Variants in LRP1B observed in about 807,000 individuals in gnomAD.
LRP1B encodes LDL receptor related protein 1B.
A neutral mutation model predicts 556.6 loss-of-function variants in LRP1B; 217 were observed. The observed-to-expected ratio is 0.39, with a 90% CI of 0.35 to 0.44. The LOEUF is 0.44. LRP1B is among the 20% of genes least tolerant of loss of function. The pLI, the probability that LRP1B is intolerant of heterozygous loss-of-function variation, is 1.00. For synonymous variants in LRP1B, 2,047 were observed against 1,865.8 expected (o/e 1.10, Z -2.50); for missense variants, 5,053 against 5,620.8 (o/e 0.90, Z 3.23).
intron 3 of LRP1B, among the ~76,000 whole-genome samples, chr2:141,341,828 C>G (rs573687817): frequency 2.6e-5 from 4 of 152,262 alleles, no homozygotes; most frequent in Non-Finnish European, 4.4e-5. Context: ...TTATTTAAAG[C>G]AGGAACTGCC....
intron 54 of LRP1B, 95 bp downstream of exon 54, chr2:140,502,868 A>T: frequency 8.0e-7 from 1 of 1,249,386 alleles, no homozygotes. Flanking sequence ...AATAATTTGC[A>T]TTTTCTCTCA....
At chr2:140,789,191 T>C (rs1462548045) in intron 32 of LRP1B, among the ~76,000 whole-genome samples, 6 of 152,126 alleles carry the variant, frequency 3.9e-5, no homozygotes, top group African/African-American at 1.4e-4. Context: ...TGAGGTCCAG[T>C]CTGAGAAGCA....
intron 6 of LRP1B, among the ~76,000 whole-genome samples, chr2:141,202,103 G>A (rs1177852331): frequency 1.3e-5 from 2 of 152,050 alleles, no homozygotes; most frequent in Non-Finnish European, 2.9e-5. Flanking sequence ...TCTTCCTGAT[G>A]CTCTCCCCCA....
intron 1 of LRP1B, among the ~76,000 whole-genome samples, chr2:141,931,604 ATG>A (rs1207576722): frequency 1.3e-5 from 2 of 152,034 alleles, no homozygotes; most frequent in Admixed American, 6.6e-5. Context: ...ATGGCTAAAA[ATG>A]TCTTATTAAT....
At chr2:141,391,550 C>T (rs1359699568) in intron 3 of LRP1B, among the ~76,000 whole-genome samples, 11 of 152,072 alleles carry the variant, frequency 7.2e-5, no homozygotes, top group Admixed American at 5.9e-4. Flanking sequence ...GAGCCTCATA[C>T]ACCATGGTAA....
chr2:141,685,318 A>C (rs1490483525), intron 2 of LRP1B, among the ~76,000 whole-genome samples: 3 of 152,040 alleles, frequency 2.0e-5, no homozygotes, highest in Non-Finnish European at 4.4e-5. Context: ...TATATTTGGG[A>C]CTTTTGATCT....
chr2:140,538,247 G>T (rs1680002028), intron 45 of LRP1B, among the ~76,000 whole-genome samples: 1 of 151,940 alleles, frequency 6.6e-6, no homozygotes, highest in Admixed American at 6.6e-5. Flanking sequence ...TTTAGATTCA[G>T]CAGGTACATG....
At chr2:141,095,860 A>G (rs1700285289) in intron 7 of LRP1B, among the ~76,000 whole-genome samples, 1 of 152,138 alleles carries the variant, frequency 6.6e-6, no homozygotes, top group Non-Finnish European at 1.5e-5. Context: ...TGCACTGCTC[A>G]TGAGAAGGCC....
chr2:140,608,777 G>A (rs953493560), intron 41 of LRP1B, among the ~76,000 whole-genome samples: 15 of 152,200 alleles, frequency 9.9e-5, no homozygotes, highest in African/African-American at 3.4e-4. Context: ...CCCTGAAAGA[G>A]TATTGAAGCA....
At chr2:140,940,765 T>C (rs1695376863) in intron 20 of LRP1B, among the ~76,000 whole-genome samples, 1 of 152,204 alleles carries the variant, frequency 6.6e-6, no homozygotes. Context: ...GAATGATTTA[T>C]AATCCTTTGG....
intron 1 of LRP1B, among the ~76,000 whole-genome samples, chr2:141,847,149 G>T (rs1170253933): frequency 6.6e-6 from 1 of 151,438 alleles, no homozygotes; most frequent in Non-Finnish European, 1.5e-5. Context: ...CAGCAAGTTT[G>T]CAAGATTACA....
intron 31 of LRP1B, among the ~76,000 whole-genome samples, chr2:140,837,953 AT>A (rs1022878639): frequency 1.6e-4 from 25 of 152,284 alleles, no homozygotes; most frequent in African/African-American, 5.5e-4. Context: ...TTAAAAAAAA[AT>A]ATATCACTTG....
chr2:140,710,044 A>G (rs1027058726), intron 37 of LRP1B, among the ~76,000 whole-genome samples: 1 of 152,068 alleles, frequency 6.6e-6, no homozygotes, highest in Non-Finnish European at 1.5e-5. Context: ...TAATATTTTT[A>G]AAATGCTTTT....
At chr2:141,367,471 CTTTTTTTTTTTTT>C (rs1169568111) in intron 3 of LRP1B, among the ~76,000 whole-genome samples, 2 of 44,922 alleles carry the variant, frequency 4.5e-5, no homozygotes, top group East Asian at 6.5e-4. Flanking sequence ...ATTTGAAATG[CTTTTTTTTTTTTT>C]TTTTTTTTTT....
At chr2:141,492,258 TAA>T (rs941034686) in intron 2 of LRP1B, among the ~76,000 whole-genome samples, 1 of 151,960 alleles carries the variant, frequency 6.6e-6, no homozygotes, top group African/African-American at 2.4e-5. Flanking sequence ...TTCTATAATT[TAA>T]AAAAGAGTAA....
chr2:140,738,643 C>A (rs1376661581), intron 35 of LRP1B, among the ~76,000 whole-genome samples: 1 of 152,134 alleles, frequency 6.6e-6, no homozygotes, highest in Non-Finnish European at 1.5e-5. Context: ...AGAAAAATTT[C>A]TTAGAATTAC....
At chr2:141,732,326 A>G (rs1403006509) in intron 2 of LRP1B, among the ~76,000 whole-genome samples, 1 of 149,996 alleles carries the variant, frequency 6.7e-6, no homozygotes, top group Non-Finnish European at 1.5e-5. Context: ...CTAAAATATA[A>G]TATATCTGCA....
intron 32 of LRP1B, among the ~76,000 whole-genome samples, chr2:140,811,799 A>C (rs186006895): frequency 6.6e-6 from 1 of 152,262 alleles, no homozygotes; most frequent in African/African-American, 2.4e-5. Flanking sequence ...ATTGTCAATA[A>C]ATTCCTACTG....
chr2:140,543,483 A>G (rs1402885174), intron 43 of LRP1B, among the ~76,000 whole-genome samples: 1 of 152,018 alleles, frequency 6.6e-6, no homozygotes, highest in African/African-American at 2.4e-5. Flanking sequence ...TCACCATAAT[A>G]GCTGACTAAA....
Sources: allele counts gnomAD v4.1 joint callset (sites outside exome capture counted in the v4.1 genomes callset), GRCh38; gene constraint gnomAD v4.1.1; transcripts MANE v1.5; gene names NCBI Gene and HGNC (gene_info 2026-07-23, HGNC 2026-07-21).